CCSER1: variants seen among roughly 807,000 people sequenced by gnomAD.
The protein encoded by CCSER1 is serine-rich coiled-coil domain-containing protein 1.
CCSER1 carries 41 observed loss-of-function variants against 82.0 expected under a neutral mutation model. That is an observed-to-expected ratio of 0.50 (90% CI 0.39 to 0.65). The LOEUF (loss-of-function observed/expected upper bound fraction) is 0.65. CCSER1 is among the 30% of genes least tolerant of loss of function. The pLI is 0.00. For synonymous variants in CCSER1, 414 were observed against 383.9 expected (o/e 1.08, Z -0.92); for missense variants, 1,119 against 1,064.2 (o/e 1.05, Z -0.72).
intron 7 of CCSER1, among the ~76,000 whole-genome samples, chr4:90,746,996 T>G (rs1407616504): frequency 9.2e-5 from 14 of 152,158 alleles, no homozygotes; most frequent in Admixed American, 5.9e-4. Flanking sequence ...TTTTAAGCAT[T>G]ATTCTGACTA....
chr4:90,478,809 C>T (rs904914339), intron 5 of CCSER1, among the ~76,000 whole-genome samples: 6 of 149,472 alleles, frequency 4.0e-5, no homozygotes, highest in African/African-American at 7.4e-5. Flanking sequence ...GGCGCAATCT[C>T]GGCTCACTGC....
intron 5 of CCSER1, among the ~76,000 whole-genome samples, chr4:90,619,724 A>T (rs574980294): frequency 6.6e-6 from 1 of 152,206 alleles, no homozygotes; most frequent in Non-Finnish European, 1.5e-5. Flanking sequence ...AATGAGAAAT[A>T]TGTATGTGTG....
intron 1 of CCSER1, among the ~76,000 whole-genome samples, chr4:90,154,395 GT>G (rs1727600079): frequency 6.6e-6 from 1 of 152,176 alleles, no homozygotes; most frequent in Admixed American, 6.5e-5. Context: ...CTTTTAAGTA[GT>G]TTTTTTGAAT....
At chr4:90,480,453 A>G (rs896229943) in intron 5 of CCSER1, among the ~76,000 whole-genome samples, 4 of 152,234 alleles carry the variant, frequency 2.6e-5, no homozygotes, top group East Asian at 1.9e-4. Context: ...GTCCTTGCCC[A>G]TGCCTACATC....
intron 9 of CCSER1, among the ~76,000 whole-genome samples, chr4:91,044,727 G>C (rs1742291878): frequency 6.6e-6 from 1 of 152,068 alleles, no homozygotes; most frequent in African/African-American, 2.4e-5. Flanking sequence ...AGATTTTTCA[G>C]ATAAACCTGC....
intron 10 of CCSER1, among the ~76,000 whole-genome samples, chr4:91,086,577 G>A (rs909766971): frequency 6.6e-6 from 1 of 151,954 alleles, no homozygotes; most frequent in African/African-American, 2.4e-5. Flanking sequence ...GGGAGTTGTG[G>A]GAAGGGTGGA....
At chr4:90,350,639 A>G (rs964066837) in intron 3 of CCSER1, among the ~76,000 whole-genome samples, 3 of 152,154 alleles carry the variant, frequency 2.0e-5, no homozygotes, top group Non-Finnish European at 2.9e-5. Flanking sequence ...TATTCAAACA[A>G]AAAGTATTTG....
chr4:90,547,265 A>G (rs562443098), intron 5 of CCSER1, among the ~76,000 whole-genome samples: 16 of 152,114 alleles, frequency 1.1e-4, no homozygotes, highest in Non-Finnish European at 2.1e-4. Context: ...GGTGAAGAAT[A>G]GTTGTGTATT....
At chr4:91,205,539 G>A (rs542016364) in intron 10 of CCSER1, among the ~76,000 whole-genome samples, 1 of 151,824 alleles carries the variant, frequency 6.6e-6, no homozygotes, top group Non-Finnish European at 1.5e-5. Flanking sequence ...ATTGAAGAGA[G>A]TCTCAGTTTT....
intron 10 of CCSER1, among the ~76,000 whole-genome samples, chr4:91,135,962 A>G (rs1728429678): frequency 6.6e-6 from 1 of 152,216 alleles, no homozygotes; most frequent in South Asian, 2.1e-4. Flanking sequence ...GGGTAATGAC[A>G]TACATACATT....
intron 1 of CCSER1, among the ~76,000 whole-genome samples, chr4:90,298,894 A>C (rs575952347): frequency 6.6e-6 from 1 of 152,148 alleles, no homozygotes; most frequent in Admixed American, 6.6e-5. Context: ...TATGCCTCTT[A>C]TTATTTACTT....
chr4:90,867,845 G>A (rs62311159), intron 8 of CCSER1, among the ~76,000 whole-genome samples: 10,309 of 151,914 alleles, frequency 0.068, 466 homozygotes, highest in Admixed American at 0.12. Flanking sequence ...ATGTCCTCCA[G>A]TTCCATTCAT....
chr4:91,495,961 G>GTGAT (rs1418770325), intron 10 of CCSER1, among the ~76,000 whole-genome samples: 1 of 151,520 alleles, frequency 6.6e-6, no homozygotes, highest in African/African-American at 2.4e-5. Context: ...TTTAACATAG[G>GTGAT]TGATAGTAAA....
intron 9 of CCSER1, among the ~76,000 whole-genome samples, chr4:90,977,742 C>G (rs914302945): frequency 4.0e-5 from 6 of 151,546 alleles, no homozygotes; most frequent in African/African-American, 1.5e-4. Context: ...TCTGCCTTCC[C>G]ACTCCCACTC....
chr4:90,935,938 T>C (rs1039690203), intron 9 of CCSER1, among the ~76,000 whole-genome samples: 3 of 152,084 alleles, frequency 2.0e-5, no homozygotes, highest in African/African-American at 7.2e-5. Context: ...AATGTACCAT[T>C]TTATTTCCTT....
chr4:90,257,480 C>T (rs1450021534), intron 1 of CCSER1, among the ~76,000 whole-genome samples: 1 of 151,842 alleles, frequency 6.6e-6, no homozygotes, highest in Admixed American at 6.6e-5. Context: ...GTCTAAATAG[C>T]ATAGCATGCT....
chr4:90,923,308 A>T (rs1728646014), intron 8 of CCSER1, 62 bp from the exon 9 acceptor site: 1 of 1,091,904 alleles, frequency 9.2e-7, no homozygotes, highest in Non-Finnish European at 1.4e-6. Flanking sequence ...TAAGTGGAGA[A>T]TATTAGTGTA....
At chr4:90,208,273 C>T (rs184019784) in intron 1 of CCSER1, among the ~76,000 whole-genome samples, 29 of 152,296 alleles carry the variant, frequency 1.9e-4, no homozygotes, top group Admixed American at 3.3e-4. Flanking sequence ...TCACCCAGTT[C>T]GGACTTCCCA....
At position 91,433,228 on chromosome 4, in the gene CCSER1, A is replaced by G. The variant is rs113511558; in HGVS notation, c.2218-165344A>G. 2.2e-3 allele frequency among the ~76,000 whole-genome samples: 328 copies of G among 152,320 alleles called. 2 individuals are homozygous for G. The highest frequency in any genetic ancestry group is 6.8e-3 in the African/African-American group (284 of 41,570). The stretch of plus-strand genomic sequence containing the variant: ...TGTGCCATGTAACAACATTTCAGTC[A>G]ATGACAAACTATATATTGTCTGTGG... On this transcript the variant is annotated intron_variant, in intron 10 of 10. Transcript: ENST00000509176.
Sources: gnomAD v4.1 joint callset for allele counts (sites outside exome capture counted in the v4.1 genomes callset) on GRCh38, gnomAD v4.1.1 for gene constraint, MANE v1.5 for transcripts, NCBI Gene and HGNC (gene_info 2026-07-23, HGNC 2026-07-21) for gene names.